Variants in LUZP1 observed in about 807,000 individuals in gnomAD.
LUZP1 encodes the protein leucine zipper protein 1.
Under a neutral mutation model 71.3 loss-of-function variants are expected in LUZP1, and 25 were observed. The ratio of observed to expected loss-of-function variants is 0.35; its 90% CI spans 0.26 to 0.49. The LOEUF is 0.49. Among genes scored for constraint, LUZP1 ranks in the 20% least tolerant of loss-of-function variants. LUZP1 has a pLI of 0.99. For missense variants in LUZP1, 1,142 were observed against 1,300.8 expected (o/e 0.88, Z 1.88); for synonymous variants, 481 against 506.4 (o/e 0.95, Z 0.67).
At chr1:23,088,311 A>G (rs1211374144) in exon 5 of LUZP1, 1 of 152,788 alleles carries the variant, frequency 6.5e-6, no homozygotes, top group Middle Eastern at 3.4e-3. Flanking sequence ...ACTTCAACCT[A>G]AAGGGTAGTC....
At chr1:23,112,668 T>C (rs946380885) in intron 2 of LUZP1, among the ~76,000 whole-genome samples, 9 of 152,110 alleles carry the variant, frequency 5.9e-5, no homozygotes, top group East Asian at 1.9e-4. Context: ...AAGTTGAAAG[T>C]TGGAAGAAAG....
chr1:23,165,012 C>A (rs1432162655), intron 2 of LUZP1, among the ~76,000 whole-genome samples: 1 of 152,190 alleles, frequency 6.6e-6, no homozygotes, highest in Non-Finnish European at 1.5e-5. Flanking sequence ...TAACTAAAAT[C>A]TACTTCCTCC....
At chr1:23,150,336 G>A (rs1392993791) in intron 2 of LUZP1, among the ~76,000 whole-genome samples, 1 of 152,176 alleles carries the variant, frequency 6.6e-6, no homozygotes, top group Non-Finnish European at 1.5e-5. Flanking sequence ...CAATGGTCTA[G>A]AGGGACAGTG....
At position 23,093,240 on chromosome 1, in the gene LUZP1, T is replaced by A; in HGVS notation, c.1022A>T (p.Glu341Val). 6.2e-7 allele frequency: 1 copy of A among 1,613,894 alleles called. No individual in the cohort carries two copies. The highest frequency in any genetic ancestry group is 8.5e-7 in the Non-Finnish European group (1 of 1,179,962). The change falls in exon 4 of 5, where the codon GAG (glutamate) becomes GTG (valine). Residue 341 changes from glutamate (E) to valine (V), a missense_variant. By Grantham distance (121) the Glu-to-Val change is moderately radical. Transcript: ENST00000302291. The surrounding 1 kb of genome is among the most constrained non-coding windows in gnomAD (Gnocchi z 4.2). ...TTTCTTGATTTGTAGCTTTATCTCC[T>A]CCAGTTGGCTGGCTAATAATTTGTT...
In LUZP1 at chr1:23,117,454, C is replaced by CCTCTCTCT. The variant is rs1185318512; in HGVS notation, c.-225-8335_-225-8328dup. On this transcript the variant is annotated intron_variant, in intron 2 of 4. Coordinates refer to ENST00000302291, the Ensembl canonical transcript of LUZP1. ...CACTGTACACATTCTTTTTTTTTTT[C>CCTCTCTCT]CTCTCTCTCTCTCTCTCTCTCTCCC... 3.0e-3 allele frequency among the ~76,000 whole-genome samples: 40 copies of CCTCTCTCT among 13,358 alleles called. 2 individuals carry two copies. The highest frequency in any genetic ancestry group is 0.024 in the East Asian group (6 of 254). 8.8% of individuals were successfully genotyped at this position (13,358 alleles called of 152,430 possible). A position where few individuals can be genotyped will look rare whatever the true frequency, so the allele number is the denominator to read the frequency against.
intron 2 of LUZP1, among the ~76,000 whole-genome samples, chr1:23,142,178 G>A (rs544433173): frequency 2.6e-5 from 4 of 151,760 alleles, no homozygotes; most frequent in African/African-American, 4.8e-5. Context: ...ATACTTTGTA[G>A]AAACAGGATC....
chr1:23,168,191 T>C, intron 2 of LUZP1, among the ~76,000 whole-genome samples: 1 of 126,970 alleles, frequency 7.9e-6, no homozygotes, highest in African/African-American at 3.0e-5. Context: ...CGCCCGCAGC[T>C]GGCCCCGCAC....
exon 4 of LUZP1, chr1:23,091,580 A>G (rs761266700): frequency 2.3e-5 from 37 of 1,613,960 alleles, no homozygotes; most frequent in Non-Finnish European, 3.0e-5. Context: ...TCTCCGCTGG[A>G]GGTGCATGGC....
intron 2 of LUZP1, among the ~76,000 whole-genome samples, chr1:23,119,550 T>C (rs569074367): frequency 2.0e-5 from 3 of 152,302 alleles, no homozygotes; most frequent in South Asian, 2.1e-4. Flanking sequence ...GGAGAGGATG[T>C]TGAGAGGAAT....
chr1:23,121,010 C>T (rs1308106076), intron 2 of LUZP1, among the ~76,000 whole-genome samples: 1 of 152,156 alleles, frequency 6.6e-6, no homozygotes, highest in Non-Finnish European at 1.5e-5. Context: ...ATCAGTTACC[C>T]AGAGTATTTT....
intron 2 of LUZP1, among the ~76,000 whole-genome samples, chr1:23,138,414 T>C (rs911820227): frequency 2.6e-5 from 4 of 152,090 alleles, no homozygotes; most frequent in Non-Finnish European, 5.9e-5. Context: ...CTACATATGG[T>C]ATGATTCCAT....
At chr1:23,102,557 G>A (rs1447957461) in intron 3 of LUZP1, among the ~76,000 whole-genome samples, 1 of 152,158 alleles carries the variant, frequency 6.6e-6, no homozygotes, top group Non-Finnish European at 1.5e-5. Context: ...AGGATCTAAG[G>A]TTTCTATTCC....
At chr1:23,148,163 G>T (rs1644357610) in intron 2 of LUZP1, among the ~76,000 whole-genome samples, 1 of 152,126 alleles carries the variant, frequency 6.6e-6, no homozygotes, top group African/African-American at 2.4e-5. Context: ...ACTTGCTCAA[G>T]TTCATATAGG....
chr1:23,175,235 G>A (rs1460830315), intron 1 of LUZP1, among the ~76,000 whole-genome samples: 1 of 152,120 alleles, frequency 6.6e-6, no homozygotes, highest in Non-Finnish European at 1.5e-5. Flanking sequence ...GTATTCCAAA[G>A]CAAATAAGCT....
intron 3 of LUZP1, among the ~76,000 whole-genome samples, chr1:23,102,210 A>T (rs1294050587): frequency 6.6e-6 from 1 of 152,162 alleles, no homozygotes; most frequent in Non-Finnish European, 1.5e-5. Flanking sequence ...CCACCCCTAC[A>T]TTAGTACCTG....
intron 2 of LUZP1, among the ~76,000 whole-genome samples, chr1:23,138,663 T>TTGTGTGTGTGTGTGTG (rs550739499): frequency 5.6e-5 from 7 of 125,606 alleles, no homozygotes; most frequent in East Asian, 2.4e-4. Context: ...GATTATGTGT[T>TTGTGTGTGTGTGTGTG]TGTGTGTGTG....
chr1:23,083,697 C>CTTT (rs1323368010), downstream of LUZP1: 1 of 181,236 alleles, frequency 5.5e-6, no homozygotes, highest in East Asian at 1.4e-4. Flanking sequence ...TTGGCCCTCT[C>CTTT]TTTTGTTCCT....
rs1288413097 is a variant in LUZP1 at position 23,177,392 on chromosome 1, GAGC to G, written c.-485+96_-485+98del. 2.6e-5 allele frequency: 4 copies of G among 152,760 alleles called. No individual in the cohort carries two copies. The East Asian group carries it at 7.7e-4, about 29-fold the overall frequency. The allele number at this position is 152,760 out of a possible 1,614,324, so 9.5% of individuals were successfully genotyped here. Reference sequence around the variant, plus strand: ...GCCCCCCAAACACCCCAAAAACCTGGAGCAGAACCACAGACCCGAGGCACAAAC... The same window carrying G: ...GCCCCCCAAACACCCCAAAAACCTGGAGAACCACAGACCCGAGGCACAAAC... On this transcript the variant is annotated intron_variant, in intron 1 of 4. Coordinates refer to ENST00000302291, the Ensembl canonical transcript of LUZP1.
chr1:23,151,843 G>T (rs540791772), intron 2 of LUZP1, among the ~76,000 whole-genome samples: 10 of 151,846 alleles, frequency 6.6e-5, no homozygotes, highest in African/African-American at 2.4e-4. Flanking sequence ...CTCTAATAAA[G>T]ATATAAAAAT....
Sources: allele counts gnomAD v4.1 joint callset (sites outside exome capture counted in the v4.1 genomes callset), GRCh38; gene constraint gnomAD v4.1.1; non-coding constraint Gnocchi (gnomAD v3.1); transcripts MANE v1.5; gene names NCBI Gene and HGNC (gene_info 2026-07-23, HGNC 2026-07-21).